Variants in TTC6 observed in about 807,000 individuals in gnomAD.
The protein encoded by TTC6 is tetratricopeptide repeat protein 6.
A neutral mutation model predicts 210.4 loss-of-function variants in TTC6; 172 were observed. That is an observed-to-expected ratio of 0.82 (90% CI 0.72 to 0.93). The LOEUF is 0.93. Ranked by LOEUF, TTC6 falls within the 40% of genes least tolerant of loss-of-function variation. The probability of loss-of-function intolerance (pLI) is 0.00; values close to 1 mark genes in which losing one functional copy is unlikely to be tolerated. For synonymous variants in TTC6, 804 were observed against 819.6 expected (o/e 0.98, Z 0.32); for missense variants, 2,414 against 2,318.1 (o/e 1.04, Z -0.85).
At chr14:37,692,970 C>T (rs745917406) in intron 3 of TTC6, among the ~76,000 whole-genome samples, 1 of 152,116 alleles carries the variant, frequency 6.6e-6, no homozygotes, top group African/African-American at 2.4e-5. Context: ...GAAAGCCTTT[C>T]CTCTAAGATC....
At chr14:37,677,688 A>G (rs1349819550) in intron 1 of TTC6, among the ~76,000 whole-genome samples, 1 of 151,814 alleles carries the variant, frequency 6.6e-6, no homozygotes, top group Non-Finnish European at 1.5e-5. Context: ...CCAATTAAAT[A>G]TATGTTAGAC....
At chr14:37,743,949 G>A (rs2095928474) in intron 10 of TTC6, among the ~76,000 whole-genome samples, 1 of 152,166 alleles carries the variant, frequency 6.6e-6, no homozygotes, top group African/African-American at 2.4e-5. Flanking sequence ...CCAGGGAAGA[G>A]GTGTTGTGCA....
intron 13 of TTC6, 98 bp from the exon 16 acceptor site, chr14:37,753,001 A>G: frequency 1.1e-6 from 1 of 943,134 alleles, no homozygotes; most frequent in Non-Finnish European, 1.4e-6. Flanking sequence ...GCTTTTATTA[A>G]CCCGAAGTTA....
chr14:37,702,721 C>T (rs1361885207), intron 5 of TTC6, among the ~76,000 whole-genome samples: 1 of 151,988 alleles, frequency 6.6e-6, no homozygotes, highest in African/African-American at 2.4e-5. Flanking sequence ...TTATTAGTAC[C>T]CATACTTTTC....
At chr14:37,765,845 A>C (rs993329558) in intron 14 of TTC6, among the ~76,000 whole-genome samples, 3 of 151,882 alleles carry the variant, frequency 2.0e-5, no homozygotes, top group Non-Finnish European at 2.9e-5. Flanking sequence ...TTTTTAAAGC[A>C]CTTTAAATAT....
chr14:37,701,911 G>A (rs2095826133), intron 5 of TTC6, among the ~76,000 whole-genome samples: 1 of 152,162 alleles, frequency 6.6e-6, no homozygotes, highest in African/African-American at 2.4e-5. Context: ...TTTTGAACTA[G>A]ATTTCACCAT....
rs113937832 is a variant in TTC6 at position 37,630,740 on chromosome 14, C to T, written c.939+7737C>T. The stretch of plus-strand genomic sequence containing the variant: ...AAGTCTTTTTGTAGGTCTCTGAGAA[C>T]CTGCTTTATGAATCTGGGTGCTCTT... On this transcript the variant is annotated intron_variant, in intron 1 of 30. Coordinates refer to ENST00000553443, the Ensembl canonical transcript of TTC6. Among the ~76,000 whole-genome samples, 300 of 152,002 alleles carry T rather than the reference C, an allele frequency of 2.0e-3. 1 individual carries two copies. The highest frequency in any genetic ancestry group is 6.8e-3 in the African/African-American group (283 of 41,440).
intron 16 of TTC6, among the ~76,000 whole-genome samples, chr14:37,791,076 A>G (rs764101140): frequency 4.1e-4 from 63 of 152,306 alleles, no homozygotes; most frequent in Admixed American, 1.4e-3. Flanking sequence ...AATGGGTTTG[A>G]CAGGAGTTAA....
intron 7 of TTC6, among the ~76,000 whole-genome samples, chr14:37,733,082 G>T (rs1477741370): frequency 1.3e-5 from 2 of 152,116 alleles, no homozygotes; most frequent in African/African-American, 4.8e-5. Flanking sequence ...TATTCCTGTG[G>T]CTGTTTCCCT....
chr14:37,630,907 G>GTTTGTTTTTTTTTTTTTTTTTTTTT (rs2095668312), intron 1 of TTC6, among the ~76,000 whole-genome samples: 1 of 33,064 alleles, frequency 3.0e-5, no homozygotes, highest in Admixed American at 4.2e-4. Context: ...GGCAACCCCT[G>GTTTGTTTTTTTTTTTTTTTTTTTTT]TTTTTTTTTT....
chr14:37,790,600 T>C (rs1006558810), intron 15 of TTC6, 117 bp from the exon 18 acceptor site: 9 of 807,834 alleles, frequency 1.1e-5, no homozygotes, highest in Non-Finnish European at 1.7e-5. Flanking sequence ...GATATGTTTC[T>C]ATTTTATATA....
chr14:37,699,130 G>GA (rs951393113), intron 4 of TTC6, among the ~76,000 whole-genome samples: 3 of 152,010 alleles, frequency 2.0e-5, no homozygotes, highest in African/African-American at 7.2e-5. Flanking sequence ...TTGTAAAAAA[G>GA]AAAAAAAGAT....
intron 14 of TTC6, among the ~76,000 whole-genome samples, chr14:37,760,324 AG>A (rs1858283029): frequency 6.6e-6 from 1 of 152,194 alleles, no homozygotes; most frequent in South Asian, 2.1e-4. Flanking sequence ...GGGTATCACC[AG>A]TGGAGGCTGC....
At chr14:37,645,273 A>G (rs1002472594) in intron 1 of TTC6, among the ~76,000 whole-genome samples, 1 of 152,240 alleles carries the variant, frequency 6.6e-6, no homozygotes, top group Non-Finnish European at 1.5e-5. Flanking sequence ...CAGTGTCTCA[A>G]TTAGAAACGG....
intron 6 of TTC6, among the ~76,000 whole-genome samples, chr14:37,715,566 A>C (rs1424813107): frequency 6.6e-6 from 1 of 151,904 alleles, no homozygotes; most frequent in African/African-American, 2.4e-5. Context: ...AGAGACACAG[A>C]GGGGCATTAT....
intron 18 of TTC6, among the ~76,000 whole-genome samples, chr14:37,795,609 T>G (rs1433197602): frequency 6.6e-6 from 1 of 152,182 alleles, no homozygotes; most frequent in African/African-American, 2.4e-5. Flanking sequence ...GAGACCTTTT[T>G]AAGCGACTAG....
At chr14:37,731,233 A>G (rs895378935) in intron 7 of TTC6, among the ~76,000 whole-genome samples, 2 of 152,114 alleles carry the variant, frequency 1.3e-5, no homozygotes, top group Admixed American at 6.6e-5. Flanking sequence ...TTGTTGATTC[A>G]TTGCTACTGA....
intron 1 of TTC6, among the ~76,000 whole-genome samples, chr14:37,657,506 G>C (rs2095727000): frequency 6.6e-6 from 1 of 152,008 alleles, no homozygotes; most frequent in African/African-American, 2.4e-5. Flanking sequence ...GAAAGGGCCT[G>C]GTGTCTCTGG....
rs115087069 is a variant in TTC6, at chr14:37,661,612, C to T, written c.940-18539C>T. Among the ~76,000 whole-genome samples, 831 of 152,238 alleles carry T rather than the reference C, an allele frequency of 5.5e-3. 6 individuals carry two copies. The highest frequency in any genetic ancestry group is 0.017 in the African/African-American group (696 of 41,536). On this transcript the variant is annotated intron_variant, in intron 1 of 30. Transcript: ENST00000553443. ...TTGAAGTCTGGTAGCAAGATGCCTC[C>T]AGCTTTGTTCTTTTCTCTTAGAATT...
Sources: gnomAD v4.1 joint callset for allele counts (sites outside exome capture counted in the v4.1 genomes callset) on GRCh38, gnomAD v4.1.1 for gene constraint, MANE v1.5 for transcripts, NCBI Gene and HGNC (gene_info 2026-07-23, HGNC 2026-07-21) for gene names.